UMOD: variants seen among roughly 807,000 people sequenced by gnomAD.
UMOD encodes the protein Tamm-Horsfall urinary glycoprotein.
A neutral mutation model predicts 66.0 loss-of-function variants in UMOD; 64 were observed. That is an observed-to-expected ratio of 0.97 (90% CI 0.79 to 1.19). The LOEUF (loss-of-function observed/expected upper bound fraction) is 1.19, where lower values mean the gene tolerates loss of function less well. UMOD is among the 50% of genes most tolerant of loss of function. The pLI, the probability that UMOD is intolerant of heterozygous loss-of-function variation, is 0.00. For missense variants in UMOD, 764 were observed against 850.9 expected (o/e 0.90, Z 1.27); for synonymous variants, 398 against 352.7 (o/e 1.13, Z -1.44).
intron 8 of UMOD, among the ~76,000 whole-genome samples, chr16:20,337,055 A>G (rs1964914586): frequency 6.6e-6 from 1 of 152,182 alleles, no homozygotes; most frequent in South Asian, 2.1e-4. Context: ...AGCTCCTGTT[A>G]TTTGAACACA....
At chr16:20,344,308 A>C in intron 5 of UMOD, 136 bp from the exon 6 acceptor site, 1 of 905,706 alleles carries the variant, frequency 1.1e-6, no homozygotes, top group Non-Finnish European at 1.7e-6. Flanking sequence ...CTCCTTGATA[A>C]AAAGCTGCCT....
intron 8 of UMOD, 134 bp downstream of exon 8, chr16:20,337,157 C>T (rs749117777): frequency 1.8e-4 from 224 of 1,248,418 alleles, no homozygotes; most frequent in South Asian, 3.3e-4. Flanking sequence ...TGCCTAGCCA[C>T]GCCCACCTCA....
chr16:20,351,893 C>A (rs928704716), intron 1 of UMOD, among the ~76,000 whole-genome samples: 3 of 151,630 alleles, frequency 2.0e-5, no homozygotes, highest in African/African-American at 7.3e-5. Flanking sequence ...TGGTGGGCGC[C>A]TGTAATCCCA....
chr16:20,346,255 A>C lies in UMOD; in HGVS notation c.1053T>G (p.Ser351Arg). Residue 351 changes from serine (S) to arginine (R), a missense_variant, in exon 5 of 11, where the codon AGT becomes AGG. Coordinates refer to ENST00000396138, the MANE Select transcript of UMOD (RefSeq NM_003361.4). Reference sequence around the variant, plus strand: ...ACATGAAGACCTTGTCGAAGCCCAGACTCTTCAGCTGGCACTTGCCCAGCG... The same window carrying C: ...ACATGAAGACCTTGTCGAAGCCCAGCCTCTTCAGCTGGCACTTGCCCAGCG... ...KVSLGKCQLK[S>R]LGFDKVFMYL... 6.2e-7 allele frequency: 1 copy of C among 1,614,016 alleles called. No homozygotes were observed. Among genetic ancestry groups the C allele is most frequent in the Non-Finnish European group, 8.5e-7 (1 of 1,180,004 alleles).
At position 20,346,186 on chromosome 16, in the gene UMOD, G is replaced by T. The variant is rs1222964981; in HGVS notation, c.1122C>A (p.Asn374Lys). The T allele has an allele frequency of 6.2e-7, 1 of 1,614,140 alleles. No homozygotes were observed. Among genetic ancestry groups the T allele is most frequent in the East Asian group, 2.2e-5 (1 of 44,898 alleles). The part of the protein sequence containing the change: ...SRCSGFNDRD[N>K]RDWVSVVTPA... ...GGGTCACTACAGACACCCAGTCCCG[G>T]TTGTCTCTGTCATTGAAGCCCGAGC... Residue 374 changes from asparagine to lysine, a missense_variant, in exon 5 of 11, where the codon AAC (asparagine) becomes AAA (lysine). Coordinates refer to ENST00000396138, the MANE Select transcript of UMOD (RefSeq NM_003361.4).
At position 20,337,389 on chromosome 16, in the gene UMOD, A is replaced by T; in HGVS notation, c.1642T>A (p.Phe548Ile). 5.0e-6 allele frequency: 8 copies of T among 1,614,190 alleles called. No homozygotes were observed. Among genetic ancestry groups the T allele is most frequent in the Non-Finnish European group, 6.8e-6 (8 of 1,180,038 alleles). The change falls in exon 8 of 11, where the codon TTT becomes ATT. Residue 548 changes from phenylalanine (F) to isoleucine (I), a missense_variant. Transcript: ENST00000396138. ...GCAAACCGGAACATCTGGACGGAAA[A>T]TCGGCCCTGGGAGGACTCCCCATTC... ...VENGESSQGR[F>I]SVQMFRFAGN...
chr16:20,353,304 A>G (rs1965971781), upstream of UMOD, among the ~76,000 whole-genome samples: 1 of 152,166 alleles, frequency 6.6e-6, no homozygotes, highest in Non-Finnish European at 1.5e-5. Flanking sequence ...ACAACAAAGA[A>G]TCAGGTCTGA....
At position 20,344,255 on chromosome 16, in the gene UMOD, C is replaced by A. The variant is rs954700850; in HGVS notation, c.1183-83G>T. The A allele has an allele frequency of 1.1e-4, 146 of 1,381,758 alleles. 2 individuals are homozygous for A. In the East Asian group the frequency reaches 3.3e-3, roughly 32 times the overall value. The allele number at this position is 1,381,758 out of a possible 1,614,324, so 85.6% of individuals were successfully genotyped here. ...TCTGAGTAGGACTTCAAAGCTAAATCTGCTGGTCTCATGTCTGGCTACTTG... is the reference window on the plus strand; with the variant it reads ...TCTGAGTAGGACTTCAAAGCTAAATATGCTGGTCTCATGTCTGGCTACTTG... On this transcript the variant is annotated intron_variant, in intron 5 of 10. Transcript: ENST00000396138.
intron 6 of UMOD, 24 bp downstream of exon 6, chr16:20,344,000 C>G: frequency 6.2e-7 from 1 of 1,612,728 alleles, no homozygotes; most frequent in Admixed American, 1.7e-5. Flanking sequence ...ATCTAGGGGC[C>G]CTAGGGACCC....
intron 1 of UMOD, 32 bp downstream of exon 1, chr16:20,352,657 G>A: frequency 8.1e-7 from 1 of 1,230,918 alleles, no homozygotes; most frequent in Non-Finnish European, 1.0e-6. Flanking sequence ...GGAGAAGCTG[G>A]GCTAGGAGAA....
Position 20,346,122 on chromosome 16 carries a change from G to C in UMOD, c.1182+4C>G, listed in dbSNP as rs189979715. The stretch of plus-strand genomic sequence containing the variant: ...GGTTCTGTCCCCCACTGGCCAGGAC[G>C]TACCGTCAACACTGTCCCACAGGGG... On this transcript the variant is annotated splice_donor_region_variant and intron_variant, in intron 5 of 10. Coordinates refer to ENST00000396138, the MANE Select transcript of UMOD (RefSeq NM_003361.4). 6.2e-7 allele frequency: 1 copy of C among 1,613,296 alleles called. No homozygotes were observed. Among genetic ancestry groups the C allele is most frequent in the South Asian group, 1.1e-5 (1 of 91,046 alleles).
chr16:20,336,425 T>G (rs1356100315), intron 9 of UMOD, among the ~76,000 whole-genome samples: 2 of 152,230 alleles, frequency 1.3e-5, no homozygotes, highest in Non-Finnish European at 2.9e-5. Flanking sequence ...CCCCGTGTCC[T>G]GTGTTACATT....
chr16:20,336,741 G>T lies in UMOD; in HGVS notation c.1741-14C>A. 1 of 1,613,014 alleles carries T rather than the reference G, an allele frequency of 6.2e-7. No homozygotes were observed. Among genetic ancestry groups the T allele is most frequent in the Non-Finnish European group, 8.5e-7 (1 of 1,179,112 alleles). On this transcript the variant is annotated splice_polypyrimidine_tract_variant and intron_variant, in intron 8 of 10. Coordinates refer to ENST00000396138, the MANE Select transcript of UMOD (RefSeq NM_003361.4). Reference sequence around the variant, plus strand: ...CCCAGAGCAGGTCTACAGGGAGAGGGCAATAGAAAAACACCCTCCATGAAG... The same window carrying T: ...CCCAGAGCAGGTCTACAGGGAGAGGTCAATAGAAAAACACCCTCCATGAAG...
chr16:20,335,451 A>G (rs773368955), intron 10 of UMOD, 31 bp downstream of exon 10: 1 of 1,611,968 alleles, frequency 6.2e-7, no homozygotes, highest in Admixed American at 1.7e-5. Context: ...GTTCTGGAAC[A>G]GGTCCCACTG....
intron 5 of UMOD, among the ~76,000 whole-genome samples, 153 bp from the exon 6 acceptor site, chr16:20,344,325 G>A (rs549399744): frequency 3.9e-5 from 6 of 152,076 alleles, no homozygotes; most frequent in East Asian, 1.9e-4. Flanking sequence ...GCCTGTGGCC[G>A]GGCGCATTAG....
intron 5 of UMOD, among the ~76,000 whole-genome samples, chr16:20,345,548 T>C (rs1481689692): frequency 8.8e-6 from 1 of 114,188 alleles, no homozygotes; most frequent in African/African-American, 3.1e-5. Context: ...TCTCTCTCTT[T>C]TTCTCTTTCT....
rs979976445 is a variant in UMOD, at chr16:20,348,071, T to A, written c.973+152A>T. 4.0e-6 allele frequency: 3 copies of A among 751,914 alleles called. No homozygotes were observed. The African/African-American group carries it at 5.1e-5, about 13-fold the overall frequency. The allele number at this position is 751,914 out of a possible 1,614,324, so 46.6% of individuals were successfully genotyped here. On this transcript the variant is annotated intron_variant, in intron 4 of 10. Transcript: ENST00000396138. ...TCAGAGAGCCTCTTGCCGGCTTTAATGGGTATTAGTGGATCTTCTGTTTTC... is the reference window on the plus strand; with the variant it reads ...TCAGAGAGCCTCTTGCCGGCTTTAAAGGGTATTAGTGGATCTTCTGTTTTC...
At chr16:20,353,863 T>G (rs1197935152), upstream of UMOD, among the ~76,000 whole-genome samples, 1 of 152,130 alleles carries the variant, frequency 6.6e-6, no homozygotes, top group African/African-American at 2.4e-5. Context: ...CCCATTAACT[T>G]GTCATTTACA....
chr16:20,340,904 G>A (rs532351327), intron 7 of UMOD, among the ~76,000 whole-genome samples, 187 bp downstream of exon 7: 1 of 150,516 alleles, frequency 6.6e-6, no homozygotes, highest in East Asian at 2.0e-4. Context: ...TGAGGCAGAA[G>A]AATCACTTGA....
Sources: allele counts gnomAD v4.1 joint callset (sites outside exome capture counted in the v4.1 genomes callset), GRCh38; gene constraint gnomAD v4.1.1; transcripts MANE v1.5; gene names NCBI Gene and HGNC (gene_info 2026-07-23, HGNC 2026-07-21).